Variants in ANGPT1 observed in about 807,000 individuals in gnomAD.
ANGPT1 encodes angiopoietin 1, also known as angiopoietin-1.
In ANGPT1, 17 loss-of-function variants were observed where a neutral mutation model predicts 62.2. The ratio of observed to expected loss-of-function variants is 0.27; its 90% confidence interval spans 0.19 to 0.41. ANGPT1 has a LOEUF of 0.41. Among genes scored for constraint, ANGPT1 ranks in the 10% least tolerant of loss-of-function variants. The pLI, the probability that ANGPT1 is intolerant of heterozygous loss-of-function variation, is 1.00. For missense variants in ANGPT1, 478 were observed against 594.9 expected (o/e 0.80, Z 2.04); for synonymous variants, 199 against 198.9 (o/e 1.00, Z 0.00).
chr8:107,395,533 C>A (rs1316054099), intron 1 of ANGPT1, among the ~76,000 whole-genome samples: 1 of 152,060 alleles, frequency 6.6e-6, no homozygotes, highest in Non-Finnish European at 1.5e-5. Context: ...CGGTAAACAT[C>A]TTTATGAGTT....
At chr8:107,458,861 A>T (rs1215829402) in intron 1 of ANGPT1, among the ~76,000 whole-genome samples, 1 of 152,134 alleles carries the variant, frequency 6.6e-6, no homozygotes, top group Non-Finnish European at 1.5e-5. Flanking sequence ...AAATTCTATT[A>T]TTCCTCCTTT....
chr8:107,297,853 T>G (rs920311891), intron 5 of ANGPT1, among the ~76,000 whole-genome samples: 3 of 149,610 alleles, frequency 2.0e-5, no homozygotes, highest in African/African-American at 7.5e-5. Context: ...TTATTTTTAG[T>G]CAGAAAAAAA....
chr8:107,472,382 G>A (rs1812384129), intron 1 of ANGPT1, among the ~76,000 whole-genome samples: 1 of 151,968 alleles, frequency 6.6e-6, no homozygotes, highest in South Asian at 2.1e-4. Flanking sequence ...TCACCTCCTT[G>A]GCGATAGAGA....
chr8:107,359,419 T>A (rs1398987183), intron 1 of ANGPT1, among the ~76,000 whole-genome samples: 1 of 152,146 alleles, frequency 6.6e-6, no homozygotes, highest in African/African-American at 2.4e-5. Context: ...TGGCAAATAG[T>A]TATTTCCCAG....
rs543443004 is a variant in ANGPT1 at position 107,317,733 on chromosome 8, C to A, written c.808+4163G>T. On this transcript the variant is annotated intron_variant, in intron 4 of 8. Coordinates refer to ENST00000517746, the MANE Select transcript of ANGPT1 (RefSeq NM_001146.5). Reference sequence around the variant, plus strand: ...GCAACCTTCGCCTCCTGGGTTCAAGCAATTCTCCTGCCTCAGCCTCCTGAG... The same window carrying A: ...GCAACCTTCGCCTCCTGGGTTCAAGAAATTCTCCTGCCTCAGCCTCCTGAG... Among the ~76,000 whole-genome samples, 244 of 151,686 alleles carry A rather than the reference C, an allele frequency of 1.6e-3. 1 individual carries two copies. Among genetic ancestry groups the A allele is most frequent in the African/African-American group, 5.7e-3 (237 of 41,350 alleles).
At chr8:107,327,623 A>G (rs1327626698) in intron 3 of ANGPT1, among the ~76,000 whole-genome samples, 3 of 152,136 alleles carry the variant, frequency 2.0e-5, no homozygotes, top group Non-Finnish European at 4.4e-5. Context: ...TTAGGGTTCC[A>G]TGGAACAACA....
chr8:107,332,933 T>C (rs1815457229), intron 3 of ANGPT1, among the ~76,000 whole-genome samples: 1 of 152,190 alleles, frequency 6.6e-6, no homozygotes, highest in African/African-American at 2.4e-5. Flanking sequence ...GAATAACCAG[T>C]GGTAATCGAT....
intron 3 of ANGPT1, among the ~76,000 whole-genome samples, chr8:107,324,835 T>C (rs77770318): frequency 0.16 from 24,777 of 152,120 alleles, 2,628 homozygotes; most frequent in Admixed American, 0.26. Context: ...ACTTCTGCAG[T>C]AGAAGTCCCA....
Position 107,455,194 on chromosome 8 carries a change from G to A in ANGPT1, c.297+42068C>T, listed in dbSNP as rs183184882. ...TTCAAAATAAGTTCATTCCTTAGCAGAGCCTTTCGTGATCTCCATGTGAAT... is the reference window on the plus strand; with the variant it reads ...TTCAAAATAAGTTCATTCCTTAGCAAAGCCTTTCGTGATCTCCATGTGAAT... On this transcript the variant is annotated intron_variant, in intron 1 of 8. Coordinates refer to ENST00000517746, the MANE Select transcript of ANGPT1 (RefSeq NM_001146.5). Among the ~76,000 whole-genome samples, 210 of 152,170 alleles carry A rather than the reference G, an allele frequency of 1.4e-3. 1 individual carries two copies. The highest frequency in any genetic ancestry group is 2.5e-3 in the Non-Finnish European group (170 of 67,954).
intron 1 of ANGPT1, among the ~76,000 whole-genome samples, chr8:107,408,945 T>TA (rs1817204509): frequency 6.6e-6 from 1 of 152,238 alleles, no homozygotes; most frequent in South Asian, 2.1e-4. Context: ...AGCAGAATAA[T>TA]AAATTATACT....
At chr8:107,452,782 G>T (rs1327941276) in intron 1 of ANGPT1, among the ~76,000 whole-genome samples, 3 of 151,908 alleles carry the variant, frequency 2.0e-5, no homozygotes, top group African/African-American at 7.2e-5. Flanking sequence ...ATTTTTATTT[G>T]CCAGGTGTTT....
At chr8:107,405,698 G>A (rs767992084) in intron 1 of ANGPT1, among the ~76,000 whole-genome samples, 5 of 151,936 alleles carry the variant, frequency 3.3e-5, no homozygotes, top group African/African-American at 7.2e-5. Context: ...CTGGTCCCAA[G>A]TATTCTGGAT....
intron 1 of ANGPT1, among the ~76,000 whole-genome samples, chr8:107,450,288 C>T (rs1435948529): frequency 2.6e-5 from 4 of 152,168 alleles, no homozygotes; most frequent in African/African-American, 9.6e-5. Flanking sequence ...CAGCTAGTTA[C>T]ACATTCTGAG....
intron 7 of ANGPT1, among the ~76,000 whole-genome samples, chr8:107,281,511 G>A (rs1040065103): frequency 3.3e-5 from 5 of 152,102 alleles, no homozygotes; most frequent in Non-Finnish European, 7.4e-5. Context: ...CAGAGCAGTG[G>A]CTCACTCCTG....
chr8:107,418,194 T>C (rs1810802426), intron 1 of ANGPT1, among the ~76,000 whole-genome samples: 1 of 152,126 alleles, frequency 6.6e-6, no homozygotes, highest in Non-Finnish European at 1.5e-5. Context: ...GCAGTGAAAA[T>C]TATTGTATTA....
intron 1 of ANGPT1, among the ~76,000 whole-genome samples, chr8:107,458,900 C>T (rs999544465): frequency 5.3e-5 from 8 of 152,008 alleles, no homozygotes; most frequent in African/African-American, 1.9e-4. Context: ...AACTAGGGCC[C>T]CAAAAGTTTA....
chr8:107,299,282 C>A (rs1002407559), intron 5 of ANGPT1, among the ~76,000 whole-genome samples: 1 of 149,834 alleles, frequency 6.7e-6, no homozygotes, highest in Non-Finnish European at 1.5e-5. Flanking sequence ...GTTTCAAAGT[C>A]AATATTCAAT....
At chr8:107,432,352 A>C (rs999942546) in intron 1 of ANGPT1, among the ~76,000 whole-genome samples, 6 of 152,216 alleles carry the variant, frequency 3.9e-5, no homozygotes, top group Admixed American at 6.5e-5. Context: ...CTTAGGAAAT[A>C]AAAAGATATC....
intron 1 of ANGPT1, among the ~76,000 whole-genome samples, chr8:107,364,544 G>T (rs2130217645): frequency 6.6e-6 from 1 of 152,228 alleles, no homozygotes; most frequent in Non-Finnish European, 1.5e-5. Context: ...GCCTCCCAAA[G>T]TGCTGAGATT....
Sources: gnomAD v4.1 joint callset for allele counts (sites outside exome capture counted in the v4.1 genomes callset) on GRCh38, gnomAD v4.1.1 for gene constraint, MANE v1.5 for transcripts, NCBI Gene and HGNC (gene_info 2026-07-23, HGNC 2026-07-21) for gene names.